KCNAB1: variants seen among roughly 807,000 people sequenced by gnomAD.
The protein encoded by KCNAB1 is potassium voltage-gated channel subfamily A regulatory beta subunit 1, also known as voltage-gated potassium channel subunit beta-1.
In KCNAB1, 35 loss-of-function variants were observed where a neutral mutation model predicts 64.6. The observed-to-expected ratio is 0.54, with a 90% confidence interval of 0.41 to 0.72. The LOEUF (loss-of-function observed/expected upper bound fraction) is 0.72. Among genes scored for constraint, KCNAB1 ranks in the 30% least tolerant of loss-of-function variants. KCNAB1 has a pLI of 0.00. For missense variants in KCNAB1, 401 were observed against 512.9 expected (o/e 0.78, Z 2.11); for synonymous variants, 177 against 183.8 (o/e 0.96, Z 0.30).
At chr3:156,484,039 C>T (rs1384502894) in intron 8 of KCNAB1, among the ~76,000 whole-genome samples, 1 of 152,248 alleles carries the variant, frequency 6.6e-6, no homozygotes, top group Admixed American at 6.5e-5. Context: ...CTTTGGAAAT[C>T]AGTGATTCCC....
At chr3:156,512,272 T>G (rs974724940) in intron 8 of KCNAB1, among the ~76,000 whole-genome samples, 7 of 152,212 alleles carry the variant, frequency 4.6e-5, no homozygotes, top group Admixed American at 6.5e-5. Context: ...TTAATACTTG[T>G]GTGTTGTATA....
At chr3:156,401,276 T>G (rs1713871232) in intron 1 of KCNAB1, among the ~76,000 whole-genome samples, 1 of 152,274 alleles carries the variant, frequency 6.6e-6, no homozygotes. Context: ...GGGCCCTTTA[T>G]ACATACGTGT....
rs80185784 is a variant in KCNAB1 at position 156,342,190 on chromosome 3, T to C, written c.276-79426T>C. Reference sequence around the variant, plus strand: ...GTGGGGAAGCCACACTTCCTTTCACTTCTGCATTTCTTTTTTCCTCTACGC... The same window carrying C: ...GTGGGGAAGCCACACTTCCTTTCACCTCTGCATTTCTTTTTTCCTCTACGC... On this transcript the variant is annotated intron_variant, in intron 1 of 13. Transcript: ENST00000490337. Among the ~76,000 whole-genome samples the C allele has an allele frequency of 5.7e-3, 866 of 152,310 alleles. 10 individuals are homozygous for C. Among genetic ancestry groups the C allele is most frequent in the African/African-American group, 0.02 (844 of 41,566 alleles).
chr3:156,239,876 A>G (rs1028968302), intron 1 of KCNAB1, among the ~76,000 whole-genome samples: 9 of 152,130 alleles, frequency 5.9e-5, no homozygotes, highest in Admixed American at 5.9e-4. Context: ...CACGGAGAGT[A>G]TTTGCTTAGA....
intron 1 of KCNAB1, among the ~76,000 whole-genome samples, chr3:156,136,097 T>C (rs1577621862): frequency 6.6e-6 from 1 of 152,332 alleles, no homozygotes; most frequent in East Asian, 1.9e-4. Context: ...GTGTGTTCTG[T>C]GCACTGCACA....
chr3:156,391,182 T>C (rs918800956), intron 1 of KCNAB1, among the ~76,000 whole-genome samples: 1 of 152,178 alleles, frequency 6.6e-6, no homozygotes, highest in Non-Finnish European at 1.5e-5. Context: ...TTCTGGAATT[T>C]GAATACCCAG....
intron 1 of KCNAB1, among the ~76,000 whole-genome samples, chr3:156,173,004 C>T (rs1474244164): frequency 6.6e-6 from 1 of 152,208 alleles, no homozygotes; most frequent in African/African-American, 2.4e-5. Context: ...GGACCTTAAA[C>T]ATTTTGCTTC....
At chr3:156,143,363 G>A (rs148121179) in intron 1 of KCNAB1, 124 of 1,610,326 alleles carry the variant, frequency 7.7e-5, no homozygotes, top group Non-Finnish European at 9.5e-5. Flanking sequence ...AAGTTTCTAC[G>A]TGTTCATGGA....
chr3:156,356,055 G>A (rs112765771), intron 1 of KCNAB1, among the ~76,000 whole-genome samples: 35 of 150,406 alleles, frequency 2.3e-4, no homozygotes, highest in Middle Eastern at 3.4e-3. Flanking sequence ...CTGGGAGGTC[G>A]AGGCTACAGT....
At chr3:156,310,219 A>T (rs559036693) in intron 1 of KCNAB1, among the ~76,000 whole-genome samples, 1 of 152,330 alleles carries the variant, frequency 6.6e-6, no homozygotes, top group East Asian at 1.9e-4. Context: ...ACTCCAAGAG[A>T]ATCACTTATA....
chr3:156,277,536 G>T (rs1719413491), intron 1 of KCNAB1, among the ~76,000 whole-genome samples: 1 of 152,110 alleles, frequency 6.6e-6, no homozygotes, highest in South Asian at 2.1e-4. Flanking sequence ...TTAGCATAGT[G>T]TCCTCCAGGT....
At chr3:156,514,226 G>C in intron 8 of KCNAB1, 138 bp from the exon 9 acceptor site, 1 of 631,156 alleles carries the variant, frequency 1.6e-6, no homozygotes, top group African/African-American at 1.8e-5. Context: ...CTATAATGTT[G>C]TCACCAATAT....
At chr3:156,381,990 C>T (rs1019441545) in intron 1 of KCNAB1, among the ~76,000 whole-genome samples, 1 of 152,040 alleles carries the variant, frequency 6.6e-6, no homozygotes, top group African/African-American at 2.4e-5. Flanking sequence ...AACACTGGAT[C>T]AAGAATCAAG....
intron 8 of KCNAB1, among the ~76,000 whole-genome samples, chr3:156,475,409 A>C (rs1457693015): frequency 6.6e-6 from 1 of 152,164 alleles, no homozygotes; most frequent in Non-Finnish European, 1.5e-5. Context: ...AATGTTTCTA[A>C]AACCAGATTT....
intron 2 of KCNAB1, among the ~76,000 whole-genome samples, chr3:156,442,624 A>G (rs936617073): frequency 1.3e-5 from 2 of 152,342 alleles, no homozygotes; most frequent in East Asian, 3.9e-4. Flanking sequence ...CAAGCTATGC[A>G]CAGGCATTAG....
At chr3:156,368,932 T>C (rs1263351430) in intron 1 of KCNAB1, among the ~76,000 whole-genome samples, 1 of 152,216 alleles carries the variant, frequency 6.6e-6, no homozygotes, top group Non-Finnish European at 1.5e-5. Flanking sequence ...CTTTCTTTGC[T>C]TGTTTCTTTA....
In KCNAB1 at chr3:156,328,029, C is replaced by G. The variant is rs1239806100; in HGVS notation, c.276-93587C>G. ...ATGCTCCCTACACCTGCCCACCACC[C>G]CAAAATTCTAGCCCAACAGCCAACA... On this transcript the variant is annotated intron_variant, in intron 1 of 13. Transcript: ENST00000490337. Among the ~76,000 whole-genome samples, 3 of 152,054 alleles carry G rather than the reference C, an allele frequency of 2.0e-5. No homozygotes were observed. The East Asian group carries it at 5.8e-4, about 29-fold the overall frequency.
At chr3:156,216,062 G>C (rs1284385988) in intron 1 of KCNAB1, among the ~76,000 whole-genome samples, 4 of 152,192 alleles carry the variant, frequency 2.6e-5, no homozygotes, top group Non-Finnish European at 4.4e-5. Context: ...ATAGTGGGTA[G>C]CTACAAATTT....
chr3:156,156,744 T>C (rs1171632449), intron 1 of KCNAB1, among the ~76,000 whole-genome samples: 1 of 152,196 alleles, frequency 6.6e-6, no homozygotes, highest in Non-Finnish European at 1.5e-5. Context: ...TGGGTCTAAA[T>C]GCCTATTAGA....
Sources: gnomAD v4.1 joint callset for allele counts (sites outside exome capture counted in the v4.1 genomes callset) on GRCh38, gnomAD v4.1.1 for gene constraint, MANE v1.5 for transcripts, NCBI Gene and HGNC (gene_info 2026-07-23, HGNC 2026-07-21) for gene names.